UST: variants seen among roughly 807,000 people sequenced by gnomAD.
UST encodes chondroitin sulfate 2-O-sulfotransferase.
A neutral mutation model predicts 45.6 loss-of-function variants in UST; 21 were observed. The observed-to-expected ratio is 0.46, with a 90% CI of 0.33 to 0.66. The LOEUF is 0.66. Ranked by LOEUF, UST falls within the 30% of genes least tolerant of loss-of-function variation. UST has a pLI of 0.02. For synonymous variants in UST, 215 were observed against 200.6 expected, an observed-to-expected ratio of 1.07 and a Z score of -0.61; for missense variants, 463 against 512.4, an observed-to-expected ratio of 0.90 and a Z score of 0.93.
intron 3 of UST, among the ~76,000 whole-genome samples, chr6:148,950,237 G>A (rs1372328317): frequency 2.6e-5 from 4 of 152,164 alleles, no homozygotes; most frequent in African/African-American, 9.7e-5. Context: ...GGCGGATCCT[G>A]AGAATTTGCA....
intron 1 of UST, among the ~76,000 whole-genome samples, chr6:148,854,081 T>G (rs970640910): frequency 1.3e-5 from 2 of 152,184 alleles, no homozygotes; most frequent in Non-Finnish European, 2.9e-5. Flanking sequence ...AACAAAAAGG[T>G]TTTTTTAAAT....
intron 2 of UST, among the ~76,000 whole-genome samples, chr6:148,926,566 A>T (rs1779818248): frequency 6.6e-6 from 1 of 152,224 alleles, no homozygotes; most frequent in South Asian, 2.1e-4. Context: ...CCTCATGGTC[A>T]CAGGATTGCT....
At chr6:149,014,050 G>A (rs983172346) in intron 5 of UST, among the ~76,000 whole-genome samples, 2 of 152,254 alleles carry the variant, frequency 1.3e-5, no homozygotes, top group African/African-American at 2.4e-5. Flanking sequence ...AGAAATAAAA[G>A]AGCAGTTTTA....
In UST at chr6:148,903,461, A is replaced by G. The variant is rs1779297690; in HGVS notation, c.291+16432A>G. On this transcript the variant is annotated intron_variant, in intron 2 of 7. Transcript: ENST00000367463. ...ACATATTCTTTATCATGTTAACAAAATATTATTTTTAAATTTTCTGAAAGC... is the reference window on the plus strand; with the variant it reads ...ACATATTCTTTATCATGTTAACAAAGTATTATTTTTAAATTTTCTGAAAGC... Among the ~76,000 whole-genome samples, 9 of 152,348 alleles carry G rather than the reference A, an allele frequency of 5.9e-5. 1 individual carries two copies. In the South Asian group the frequency reaches 1.9e-3, roughly 32 times the overall value.
chr6:149,025,190 T>C (rs1212279111), intron 7 of UST, among the ~76,000 whole-genome samples: 1 of 152,216 alleles, frequency 6.6e-6, no homozygotes, highest in African/African-American at 2.4e-5. Flanking sequence ...TTTAGACAGG[T>C]TAATAACCTT....
At chr6:149,014,313 A>G (rs1346225464) in intron 5 of UST, among the ~76,000 whole-genome samples, 2 of 152,244 alleles carry the variant, frequency 1.3e-5, no homozygotes, top group South Asian at 2.1e-4. Flanking sequence ...AAGTCCTTTC[A>G]TGGGCACCAT....
At chr6:148,946,510 CAAAAAA>C (rs71007930) in intron 3 of UST, among the ~76,000 whole-genome samples, 3 of 33,944 alleles carry the variant, frequency 8.8e-5, no homozygotes, top group South Asian at 1.8e-3. Context: ...GACTCCATCT[CAAAAAA>C]AAAAAAAAAA....
At chr6:148,888,811 A>G (rs1314240597) in intron 2 of UST, among the ~76,000 whole-genome samples, 2 of 152,216 alleles carry the variant, frequency 1.3e-5, no homozygotes, top group Non-Finnish European at 2.9e-5. Context: ...ATATGAAACA[A>G]AACAAGAACA....
chr6:148,822,672 G>C (rs566517155), intron 1 of UST, among the ~76,000 whole-genome samples: 1 of 152,234 alleles, frequency 6.6e-6, no homozygotes, highest in Admixed American at 6.5e-5. Context: ...TGAGTAATTT[G>C]CCATTTCTTC....
At chr6:148,864,000 A>G (rs1391169528) in intron 1 of UST, among the ~76,000 whole-genome samples, 1 of 152,178 alleles carries the variant, frequency 6.6e-6, no homozygotes, top group East Asian at 1.9e-4. Flanking sequence ...CTCAAACTCC[A>G]TGCTGGGAGA....
At chr6:149,072,012 C>T (rs1582986946) in intron 7 of UST, among the ~76,000 whole-genome samples, 1 of 152,100 alleles carries the variant, frequency 6.6e-6, no homozygotes, top group East Asian at 1.9e-4. Flanking sequence ...TCCACACTTA[C>T]TGGGATGGCT....
chr6:148,961,838 G>T (rs1396280878), intron 4 of UST, among the ~76,000 whole-genome samples: 1 of 152,204 alleles, frequency 6.6e-6, no homozygotes, highest in Non-Finnish European at 1.5e-5. Context: ...TCTGACCAGA[G>T]TTTTAAATTA....
At chr6:148,911,813 T>C (rs1454759393) in intron 2 of UST, among the ~76,000 whole-genome samples, 2 of 152,232 alleles carry the variant, frequency 1.3e-5, no homozygotes, top group Non-Finnish European at 2.9e-5. Flanking sequence ...ATTAATTGTC[T>C]TATTAATTCC....
At chr6:148,819,703 T>C (rs2114741348) in intron 1 of UST, among the ~76,000 whole-genome samples, 1 of 152,374 alleles carries the variant, frequency 6.6e-6, no homozygotes, top group African/African-American at 2.4e-5. Context: ...GTATCACTAA[T>C]AACTTATGTT....
At chr6:148,759,549 TA>T in intron 1 of UST, among the ~76,000 whole-genome samples, 1 of 130,396 alleles carries the variant, frequency 7.7e-6, no homozygotes, top group South Asian at 2.4e-4. Context: ...TAAATAAAAA[TA>T]AAAAAATAAA....
chr6:149,061,110 T>C lies in UST; in HGVS notation c.938-12723T>C, dbSNP rs1025551178. On this transcript the variant is annotated intron_variant, in intron 7 of 7. Coordinates refer to ENST00000367463, the MANE Select transcript of UST (RefSeq NM_005715.3). ...GCAAGTTGGTGGTGAGCTTTTGTTATTTTGCGTATGGTTAACCATCTCGGA... is the reference window on the plus strand; with the variant it reads ...GCAAGTTGGTGGTGAGCTTTTGTTACTTTGCGTATGGTTAACCATCTCGGA... Among the ~76,000 whole-genome samples the C allele has an allele frequency of 5.9e-5, 9 of 152,072 alleles. No individual in the cohort carries two copies. The East Asian group carries it at 1.7e-3, about 29-fold the overall frequency.
chr6:148,777,821 T>C (rs1358698892), intron 1 of UST, among the ~76,000 whole-genome samples: 2 of 152,206 alleles, frequency 1.3e-5, no homozygotes, highest in Admixed American at 1.3e-4. Context: ...CCCAAAGTGT[T>C]GGGATTACAG....
Position 148,887,028 on chromosome 6 carries a change from A to G in UST, c.290A>G (p.Lys97Arg). The G allele has an allele frequency of 6.2e-7, 1 of 1,612,184 alleles. No homozygotes were observed. The highest frequency in any genetic ancestry group is 2.2e-5 in the East Asian group (1 of 44,880). Residue 97 changes from lysine to arginine, a missense_variant and splice_region_variant, in exon 2 of 8, where the codon AAG becomes AGG. Coordinates refer to ENST00000367463, the MANE Select transcript of UST (RefSeq NM_005715.3). Reference protein sequence around the residue: ...YLDDHGPPPSKVLPFPSQVVY... With the variant: ...YLDDHGPPPSRVLPFPSQVVY... ...GATGACCATGGACCACCTCCTAGTA[A>G]GGTAAGATCTTTGCTTGTGATATAA...
intron 5 of UST, among the ~76,000 whole-genome samples, chr6:148,979,617 G>A (rs985419304): frequency 2.0e-5 from 3 of 152,228 alleles, no homozygotes; most frequent in Admixed American, 6.5e-5. Flanking sequence ...AAATGTGGAA[G>A]CAAATATGCC....
Sources: gnomAD v4.1 joint callset for allele counts (sites outside exome capture counted in the v4.1 genomes callset) on GRCh38, gnomAD v4.1.1 for gene constraint, MANE v1.5 for transcripts, NCBI Gene and HGNC (gene_info 2026-07-23, HGNC 2026-07-21) for gene names.